The following COL22A1 variants were observed in gnomAD, a reference collection of about 807,000 sequenced individuals.
COL22A1 encodes collagen type XXII alpha 1 chain, also known as collagen alpha-1(XXII) chain.
A neutral mutation model predicts 248.9 loss-of-function variants in COL22A1; 221 were observed. That is an observed-to-expected ratio of 0.89 (90% CI 0.80 to 0.99). The LOEUF is 0.99. Ranked by LOEUF, COL22A1 falls within the 50% of genes least tolerant of loss-of-function variation. The pLI is 0.00. For missense variants in COL22A1, 2,240 were observed against 2,179.0 expected, an observed-to-expected ratio of 1.03 and a Z score of -0.56; for synonymous variants, 891 against 793.4, an observed-to-expected ratio of 1.12 and a Z score of -2.07.
chr8:138,604,710 G>A, intron 59 of COL22A1, 24 bp downstream of exon 59: 1 of 1,610,780 alleles, frequency 6.2e-7, no homozygotes, highest in Non-Finnish European at 8.5e-7. Context: ...GTTGCCAAGG[G>A]GTGAGTGGGC....
At chr8:138,900,030 T>C (rs926886320) in intron 1 of COL22A1, among the ~76,000 whole-genome samples, 3 of 152,190 alleles carry the variant, frequency 2.0e-5, no homozygotes, top group African/African-American at 7.2e-5. Flanking sequence ...CTGTTTCTCC[T>C]GCATTGCTTT....
chr8:138,783,864 C>T (rs1397255524), intron 12 of COL22A1, among the ~76,000 whole-genome samples: 1 of 152,152 alleles, frequency 6.6e-6, no homozygotes, highest in Non-Finnish European at 1.5e-5. Context: ...TACTCATGCC[C>T]TTGTTGATGA....
At chr8:138,749,560 T>C (rs1024438613) in intron 22 of COL22A1, among the ~76,000 whole-genome samples, 2 of 152,254 alleles carry the variant, frequency 1.3e-5, no homozygotes, top group Admixed American at 1.3e-4. Flanking sequence ...ATGACAGCCA[T>C]GTCAGCTGTC....
At chr8:138,642,453 C>T (rs1821798869) in intron 47 of COL22A1, among the ~76,000 whole-genome samples, 1 of 152,190 alleles carries the variant, frequency 6.6e-6, no homozygotes, top group South Asian at 2.1e-4. Context: ...CCAAGGACTT[C>T]TCATGGTTGG....
At position 138,661,027 on chromosome 8, in the gene COL22A1, CACACATATACAG is replaced by C. The variant is rs1329394540; in HGVS notation, c.3241-559_3241-548del. Among the ~76,000 whole-genome samples the C allele has an allele frequency of 1.6e-3, 65 of 40,282 alleles. 1 individual carries two copies. The highest frequency in any genetic ancestry group is 3.9e-3 in the African/African-American group (63 of 16,054). 26.4% of individuals were successfully genotyped at this position (40,282 alleles called of 152,430 possible). A position where few individuals can be genotyped will look rare whatever the true frequency, so the allele number is the denominator to read the frequency against. On this transcript the variant is annotated intron_variant, in intron 43 of 64. Transcript: ENST00000303045. ...ACACAGACACACACACGCACATACA[CACACATATACAG>C]ACACACACACACACGCACACACACC...
chr8:138,632,949 A>C (rs1022677550), intron 49 of COL22A1, among the ~76,000 whole-genome samples: 1 of 152,190 alleles, frequency 6.6e-6, no homozygotes, highest in Non-Finnish European at 1.5e-5. Context: ...TCCCTACTGC[A>C]TATGGGGATG....
At chr8:138,820,725 C>T (rs570594534) in intron 7 of COL22A1, among the ~76,000 whole-genome samples, 2 of 152,164 alleles carry the variant, frequency 1.3e-5, no homozygotes, top group Non-Finnish European at 2.9e-5. Context: ...TATTCATATA[C>T]ATATGTATCT....
At chr8:138,805,291 TGGTG>T (rs1817421867) in intron 10 of COL22A1, among the ~76,000 whole-genome samples, 1 of 116,446 alleles carries the variant, frequency 8.6e-6, no homozygotes, top group African/African-American at 5.0e-5. Context: ...ATGGTGTGTG[TGGTG>T]GTGTGGGATG....
intron 1 of COL22A1, among the ~76,000 whole-genome samples, chr8:138,909,111 C>A (rs1815239480): frequency 6.6e-6 from 1 of 152,218 alleles, no homozygotes; most frequent in African/African-American, 2.4e-5. Context: ...TATGTGATCA[C>A]CCTTAATGTA....
chr8:138,706,707 C>T (rs1237665972), intron 30 of COL22A1, among the ~76,000 whole-genome samples: 1 of 152,096 alleles, frequency 6.6e-6, no homozygotes, highest in African/African-American at 2.4e-5. Context: ...AATTGACACC[C>T]TAACATCACA....
chr8:138,678,194 T>C (rs1428065345), intron 40 of COL22A1, among the ~76,000 whole-genome samples: 1 of 152,182 alleles, frequency 6.6e-6, no homozygotes, highest in Admixed American at 6.5e-5. Flanking sequence ...TCAGTGCCCA[T>C]TGTCAATACT....
At chr8:138,817,706 C>T (rs1818786261) in intron 7 of COL22A1, among the ~76,000 whole-genome samples, 1 of 152,126 alleles carries the variant, frequency 6.6e-6, no homozygotes, top group South Asian at 2.1e-4. Flanking sequence ...CAAAACCTGA[C>T]ACCACCACCA....
At chr8:138,800,017 T>C (rs1816864151) in intron 11 of COL22A1, among the ~76,000 whole-genome samples, 1 of 152,220 alleles carries the variant, frequency 6.6e-6, no homozygotes, top group African/African-American at 2.4e-5. Context: ...TGTTTCAAAG[T>C]CAGTGCCTTT....
At chr8:138,737,623 A>AC in intron 22 of COL22A1, 46 bp from the exon 23 acceptor site, 1 of 1,299,514 alleles carries the variant, frequency 7.7e-7, no homozygotes, top group Non-Finnish European at 1.1e-6. Flanking sequence ...GGCAATTGTC[A>AC]ACCAGAGGGG....
intron 3 of COL22A1, among the ~76,000 whole-genome samples, chr8:138,856,587 GCAGT>G (rs1822033171): frequency 7.2e-6 from 1 of 138,326 alleles, no homozygotes; most frequent in African/African-American, 2.9e-5. Flanking sequence ...AGAGACAGAG[GCAGT>G]GAGAGAGAGA....
intron 42 of COL22A1, among the ~76,000 whole-genome samples, chr8:138,662,907 C>T (rs368630246): frequency 6.6e-5 from 10 of 150,962 alleles, no homozygotes; most frequent in Admixed American, 4.6e-4. Context: ...TTCCAGCTAC[C>T]GGGGAGGGCG....
intron 56 of COL22A1, among the ~76,000 whole-genome samples, chr8:138,611,061 G>A (rs1048630430): frequency 5.3e-5 from 8 of 152,160 alleles, no homozygotes; most frequent in African/African-American, 1.9e-4. Context: ...GTGAGAGCCT[G>A]TCTCAAAAAA....
chr8:138,826,808 C>A, intron 5 of COL22A1, 27 bp from the exon 6 acceptor site: 1 of 1,612,634 alleles, frequency 6.2e-7, no homozygotes. Context: ...ACAAAGACAC[C>A]AGGCTTGGCG....
rs1433692903 is a variant in COL22A1 at position 138,685,306 on chromosome 8, C to G, written c.2869G>C (p.Ala957Pro). The G allele has an allele frequency of 5.0e-6, 8 of 1,613,544 alleles. No homozygotes were observed. The highest frequency in any genetic ancestry group is 5.9e-6 in the Non-Finnish European group (7 of 1,179,692). Residue 957 changes from alanine (A) to proline (P), a missense_variant, in exon 38 of 65, where the codon GCG (alanine) becomes CCG (proline). Physicochemically the swap from Ala to Pro is conservative, Grantham distance 27. Coordinates refer to ENST00000303045, the MANE Select transcript of COL22A1 (RefSeq NM_152888.3). ...GGCCCTGGGCTGCCTTCTTCCCCCG[C>G]TGCACCCTGGAAAGAAAAGTAGACA... ...KDGERGEKGAAGEEGSPGPVG... is the reference protein window; with the variant it reads ...KDGERGEKGAPGEEGSPGPVG...
Sources: gnomAD v4.1 joint callset for allele counts (sites outside exome capture counted in the v4.1 genomes callset) on GRCh38, gnomAD v4.1.1 for gene constraint, MANE v1.5 for transcripts, NCBI Gene and HGNC (gene_info 2026-07-23, HGNC 2026-07-21) for gene names.